Variants in CPNE4 observed in about 807,000 individuals in gnomAD.
The protein encoded by CPNE4 is copine 4, also known as copine-4.
A neutral mutation model predicts 67.9 loss-of-function variants in CPNE4; 25 were observed. The observed-to-expected ratio is 0.37, with a 90% CI of 0.27 to 0.51. The LOEUF is 0.51. Ranked by LOEUF, CPNE4 falls within the 20% of genes least tolerant of loss-of-function variation. The pLI, the probability that CPNE4 is intolerant of heterozygous loss-of-function variation, is 0.93. For missense variants in CPNE4, 464 were observed against 690.8 expected (o/e 0.67, Z 3.68); for synonymous variants, 242 against 244.9 (o/e 0.99, Z 0.11).
intron 2 of CPNE4, among the ~76,000 whole-genome samples, chr3:131,853,958 C>T (rs2086338031): frequency 6.6e-6 from 1 of 151,750 alleles, no homozygotes; most frequent in South Asian, 2.1e-4. Flanking sequence ...AATAGTATAA[C>T]CACTTTAAAA....
At chr3:131,600,639 G>A (rs1241317703) in intron 7 of CPNE4, among the ~76,000 whole-genome samples, 8 of 152,040 alleles carry the variant, frequency 5.3e-5, no homozygotes, top group Admixed American at 1.3e-4. Flanking sequence ...ACCCCGCCTC[G>A]AGAGGAAACG....
At chr3:131,812,639 A>G (rs1454517543) in intron 2 of CPNE4, among the ~76,000 whole-genome samples, 2 of 152,186 alleles carry the variant, frequency 1.3e-5, no homozygotes, top group Admixed American at 6.5e-5. Flanking sequence ...TACTCATTCC[A>G]TTTCATAACA....
At position 131,973,300 on chromosome 3, in the gene CPNE4, CT is replaced by C. The variant is rs553649140; in HGVS notation, c.-2+61266del. Among the ~76,000 whole-genome samples, 927 of 152,244 alleles carry C rather than the reference CT, an allele frequency of 6.1e-3. 2 individuals carry two copies. Among genetic ancestry groups the C allele is most frequent in the Non-Finnish European group, 9.3e-3 (634 of 68,014 alleles). ...GTCATTTCAAAGTTCTACCAAGCCT[CT>C]GTTCTATGGACTGTTTCTTCTCCCC... On this transcript the variant is annotated intron_variant, in intron 1 of 15. Coordinates refer to ENST00000429747, the MANE Select transcript of CPNE4 (RefSeq NM_130808.3).
At chr3:131,572,617 T>C (rs1362217827) in intron 10 of CPNE4, among the ~76,000 whole-genome samples, 1 of 151,888 alleles carries the variant, frequency 6.6e-6, no homozygotes, top group African/African-American at 2.4e-5. Flanking sequence ...GGAAAGTGGC[T>C]CTAGGGGAGG....
rs1190616080 is a variant in CPNE4, at chr3:131,997,356, GT to G, written c.-2+37210del. ...ACTGGTCTTCACACAGCTGAAGACG[GT>G]TAATGCTACAAGCAGCAACAAAAAG... On this transcript the variant is annotated intron_variant, in intron 1 of 15. Transcript: ENST00000429747. Among the ~76,000 whole-genome samples the G allele has an allele frequency of 4.6e-5, 7 of 152,120 alleles. No individual in the cohort carries two copies. In the East Asian group the frequency reaches 1.4e-3, roughly 29 times the overall value.
chr3:132,032,846 G>C (rs1010141335), intron 1 of CPNE4, among the ~76,000 whole-genome samples: 2 of 152,222 alleles, frequency 1.3e-5, no homozygotes, highest in Admixed American at 1.3e-4. Context: ...TTAATAAAAA[G>C]AAATGGGACC....
At chr3:131,660,324 C>T (rs1363705394) in intron 7 of CPNE4, among the ~76,000 whole-genome samples, 1 of 138,560 alleles carries the variant, frequency 7.2e-6, no homozygotes, top group South Asian at 2.6e-4. Flanking sequence ...TTTGGAGTCA[C>T]TAAAGACTAG....
chr3:131,739,006 CA>C (rs2082302047), intron 2 of CPNE4, among the ~76,000 whole-genome samples: 1 of 152,108 alleles, frequency 6.6e-6, no homozygotes, highest in South Asian at 2.1e-4. Context: ...AGATGCCTGC[CA>C]CCACACAGGG....
intron 1 of CPNE4, among the ~76,000 whole-genome samples, chr3:131,953,087 C>CAGGGACACAAACACTGCAG (rs2071818926): frequency 6.6e-6 from 1 of 151,846 alleles, no homozygotes. Context: ...CTCAAGTACC[C>CAGGGACACAAACACTGCAG]AGGGACACAA....
chr3:132,004,194 T>A (rs569869335), intron 1 of CPNE4, among the ~76,000 whole-genome samples: 1 of 152,212 alleles, frequency 6.6e-6, no homozygotes, highest in African/African-American at 2.4e-5. Context: ...ATAGATACTT[T>A]AAAAAATCCA....
At chr3:131,970,352 G>T (rs554176668) in intron 1 of CPNE4, among the ~76,000 whole-genome samples, 13 of 152,262 alleles carry the variant, frequency 8.5e-5, no homozygotes, top group African/African-American at 2.9e-4. Flanking sequence ...GAGCTTATTT[G>T]TTACAGTGAT....
At chr3:131,909,084 A>G (rs1440956311) in intron 1 of CPNE4, among the ~76,000 whole-genome samples, 1 of 152,112 alleles carries the variant, frequency 6.6e-6, no homozygotes, top group African/African-American at 2.4e-5. Flanking sequence ...TGTCTTCTGT[A>G]TTTACAACCT....
chr3:131,705,212 A>C (rs2081388735), intron 3 of CPNE4, among the ~76,000 whole-genome samples: 1 of 152,156 alleles, frequency 6.6e-6, no homozygotes, highest in African/African-American at 2.4e-5. Flanking sequence ...GGGACCAAGA[A>C]GGACTTTATC....
chr3:131,740,466 G>A (rs920769763), intron 2 of CPNE4, among the ~76,000 whole-genome samples: 5 of 152,090 alleles, frequency 3.3e-5, no homozygotes, highest in South Asian at 2.1e-4. Context: ...ATGCTCAAGC[G>A]AAAACCTTAG....
intron 1 of CPNE4, among the ~76,000 whole-genome samples, chr3:131,963,826 C>A (rs186710788): frequency 6.6e-6 from 1 of 152,330 alleles, no homozygotes; most frequent in East Asian, 1.9e-4. Flanking sequence ...TTAAATATTC[C>A]TGCCTGCTGG....
intron 3 of CPNE4, among the ~76,000 whole-genome samples, chr3:131,712,009 A>G (rs1461147353): frequency 6.6e-6 from 1 of 152,200 alleles, no homozygotes; most frequent in Non-Finnish European, 1.5e-5. Context: ...GATCTTTCAA[A>G]AACCTCACAG....
At chr3:131,782,980 C>T (rs931055461) in intron 2 of CPNE4, among the ~76,000 whole-genome samples, 1 of 151,978 alleles carries the variant, frequency 6.6e-6, no homozygotes, top group Non-Finnish European at 1.5e-5. Context: ...AGACAATCTG[C>T]TTATCATGGT....
chr3:131,685,554 C>T (rs574697382), intron 6 of CPNE4, among the ~76,000 whole-genome samples: 30 of 152,178 alleles, frequency 2.0e-4, no homozygotes, highest in African/African-American at 6.0e-4. Context: ...GAGGCCGAGG[C>T]GGGTGGATCA....
chr3:131,708,957 GATATATATATATATATATATAT>G (rs202119937), intron 3 of CPNE4, among the ~76,000 whole-genome samples: 5,426 of 65,868 alleles, frequency 0.082, 562 homozygotes, highest in African/African-American at 0.21. Flanking sequence ...AGGGCATAAA[GATATATATATATATATATATAT>G]ATATATATAT....
Sources: allele counts gnomAD v4.1 joint callset (sites outside exome capture counted in the v4.1 genomes callset), GRCh38; gene constraint gnomAD v4.1.1; transcripts MANE v1.5; gene names NCBI Gene and HGNC (gene_info 2026-07-23, HGNC 2026-07-21).